XKR6: variants seen among roughly 807,000 people sequenced by gnomAD.
XKR6 encodes the protein XK related 6.
Under a neutral mutation model 56.7 loss-of-function variants are expected in XKR6, and 22 were observed. That is an observed-to-expected ratio of 0.39 (90% CI 0.28 to 0.55). The LOEUF (loss-of-function observed/expected upper bound fraction) is 0.55, where lower values mean the gene tolerates loss of function less well. Ranked by LOEUF, XKR6 falls within the 20% of genes least tolerant of loss-of-function variation. XKR6 has a pLI of 0.66. For missense variants in XKR6, 852 were observed against 889.0 expected (o/e 0.96, Z 0.53); for synonymous variants, 524 against 387.8 (o/e 1.35, Z -4.13).
rs1283547973 is a variant in XKR6 at position 10,923,380 on chromosome 8, G to C, written c.961+1254C>G. Among the ~76,000 whole-genome samples, 3 of 152,190 alleles carry C rather than the reference G, an allele frequency of 2.0e-5. No homozygotes were observed. The East Asian group carries it at 5.8e-4, about 29-fold the overall frequency. On this transcript the variant is annotated intron_variant, in intron 2 of 2. Transcript: ENST00000416569. ...GACAGCCTCCATTGAGGGCTGTTCT[G>C]GTTCAGTAGATGGGACATGAGGCTT...
At chr8:11,101,397 G>A (rs1196703603) in intron 1 of XKR6, among the ~76,000 whole-genome samples, 2 of 152,192 alleles carry the variant, frequency 1.3e-5, no homozygotes, top group Admixed American at 6.5e-5. Context: ...AATCTGAAAT[G>A]ACAATGAATG....
intron 1 of XKR6, among the ~76,000 whole-genome samples, chr8:11,197,319 A>C (rs1366195860): frequency 6.6e-6 from 1 of 152,232 alleles, no homozygotes; most frequent in Non-Finnish European, 1.5e-5. Flanking sequence ...ACTGAAGAGA[A>C]CTGACAATGC....
chr8:10,900,872 T>TTTTTTA (rs57246698), intron 2 of XKR6, among the ~76,000 whole-genome samples: 11 of 149,556 alleles, frequency 7.4e-5, no homozygotes, highest in South Asian at 2.1e-4. Context: ...TTTTTTTTTT[T>TTTTTTA]GAGACAGGGT....
chr8:11,131,975 T>A (rs1777627372), intron 1 of XKR6, among the ~76,000 whole-genome samples: 1 of 152,130 alleles, frequency 6.6e-6, no homozygotes, highest in South Asian at 2.1e-4. Context: ...AAGTGATACA[T>A]GACTGTGTAT....
chr8:10,959,848 G>A (rs1024662958), intron 1 of XKR6, among the ~76,000 whole-genome samples: 2 of 152,188 alleles, frequency 1.3e-5, no homozygotes, highest in Non-Finnish European at 2.9e-5. Context: ...AACCCTCTGG[G>A]AGGAGTCTGA....
chr8:11,004,263 G>A (rs574466611), intron 1 of XKR6, among the ~76,000 whole-genome samples: 1 of 152,244 alleles, frequency 6.6e-6, no homozygotes, highest in South Asian at 2.1e-4. Context: ...CATGAGGTCA[G>A]GAGTTCGAGA....
Position 10,898,135 on chromosome 8 carries a change from T to C in XKR6, c.1743A>G (p.Glu581=), listed in dbSNP as rs1168404172. Residue 581 remains glutamate (E), a synonymous_variant, in exon 3 of 3, where the codon GAA becomes GAG. Transcript: ENST00000416569. The surrounding 1 kb of genome is among the most constrained non-coding windows in gnomAD (Gnocchi z 6.6). ...GCATGTCAATCTTAATGAGGGGCCC[T>C]TCTGGGAGGTAAGGACGCCCCAACG... ...PTPLGRPYLP[E]GPLIKIDMPR... is the part of the protein sequence containing the mutation. The C allele has an allele frequency of 6.2e-7, 1 of 1,614,082 alleles. No individual in the cohort carries two copies. The highest frequency in any genetic ancestry group is 1.1e-5 in the South Asian group (1 of 91,084).
At chr8:11,140,667 G>A (rs1285309588) in intron 1 of XKR6, among the ~76,000 whole-genome samples, 4 of 152,204 alleles carry the variant, frequency 2.6e-5, no homozygotes, top group East Asian at 3.9e-4. Context: ...GGAGGCTGAG[G>A]TGGGTGGGTC....
intron 1 of XKR6, chr8:11,066,976 G>A (rs1799996877): frequency 6.6e-6 from 1 of 152,378 alleles, no homozygotes; most frequent in African/African-American, 2.4e-5. Flanking sequence ...TGCGAGATGG[G>A]TCTGCAGAGG....
intron 1 of XKR6, among the ~76,000 whole-genome samples, chr8:10,931,655 T>C (rs1461573839): frequency 6.6e-6 from 1 of 152,098 alleles, no homozygotes; most frequent in Admixed American, 6.5e-5. Flanking sequence ...ATGTTGATAG[T>C]CTTTTCAACA....
At chr8:11,043,587 A>C (rs1278797464) in intron 1 of XKR6, among the ~76,000 whole-genome samples, 1 of 152,252 alleles carries the variant, frequency 6.6e-6, no homozygotes, top group East Asian at 1.9e-4. Context: ...TCCCCTGGGC[A>C]GAGTCAGTCC....
In XKR6 at chr8:11,048,349, G is replaced by C. The variant is rs565786916; in HGVS notation, c.765-123519C>G. Among the ~76,000 whole-genome samples, 26 of 152,256 alleles carry C rather than the reference G, an allele frequency of 1.7e-4. No homozygotes were observed. In the South Asian group the frequency reaches 5.0e-3, roughly 29 times the overall value. On this transcript the variant is annotated intron_variant, in intron 1 of 2. Transcript: ENST00000416569. Reference sequence around the variant, plus strand: ...GAAGGAAGTTCAGGTCTTCTCGCCAGGGGGAGGGAAACTACTGCTTTCTGG... The same window carrying C: ...GAAGGAAGTTCAGGTCTTCTCGCCACGGGGAGGGAAACTACTGCTTTCTGG...
chr8:10,943,074 G>A (rs1297157452), intron 1 of XKR6, among the ~76,000 whole-genome samples: 1 of 152,202 alleles, frequency 6.6e-6, no homozygotes. Flanking sequence ...CCCATCTGGG[G>A]CTCTTCTACC....
intron 1 of XKR6, among the ~76,000 whole-genome samples, chr8:11,182,336 T>C (rs1488573118): frequency 6.6e-6 from 1 of 152,218 alleles, no homozygotes; most frequent in East Asian, 1.9e-4. Flanking sequence ...TCAGCCTTAA[T>C]GAGACTGGGG....
Position 11,200,984 on chromosome 8 carries a change from G to A in XKR6, c.356C>T (p.Pro119Leu), listed in dbSNP as rs745684264. 5 of 1,485,022 alleles carry A rather than the reference G, an allele frequency of 3.4e-6. No homozygotes were observed. Among genetic ancestry groups the A allele is most frequent in the Non-Finnish European group, 4.5e-6 (5 of 1,118,304 alleles). The allele number at this position is 1,485,022 out of a possible 1,614,324, so 92.0% of individuals were successfully genotyped here. A position where few individuals can be genotyped will look rare whatever the true frequency, so the allele number is the denominator to read the frequency against. Residue 119 changes from proline to leucine, a missense_variant, in exon 1 of 3, where the codon CCG becomes CTG. Pro to Leu is a moderately conservative substitution (Grantham distance 98). Coordinates refer to ENST00000416569, the MANE Select transcript of XKR6 (RefSeq NM_173683.4). This position sits in a 1 kb window ranked among gnomAD's most constrained non-coding sequence, Gnocchi z 6.4. Reference sequence around the variant, plus strand: ...GAGCCACGGCCGCTCCACCTGCGGCGGCGGCGGCTCCGGCCGCGCGGCCGA... The same window carrying A: ...GAGCCACGGCCGCTCCACCTGCGGCAGCGGCGGCTCCGGCCGCGCGGCCGA... ...TPSAARPEPP[P>L]PQVERPWLDC...
At chr8:10,907,863 G>A (rs1350887793) in intron 2 of XKR6, among the ~76,000 whole-genome samples, 1 of 152,224 alleles carries the variant, frequency 6.6e-6, no homozygotes, top group African/African-American at 2.4e-5. Context: ...CCACTGCAAA[G>A]CTGATGACAC....
At chr8:11,176,547 G>C (rs1392941403) in intron 1 of XKR6, among the ~76,000 whole-genome samples, 1 of 152,058 alleles carries the variant, frequency 6.6e-6, no homozygotes, top group African/African-American at 2.4e-5. Flanking sequence ...TGTCAAGCCA[G>C]ATTTTACATC....
In XKR6 at chr8:10,897,555, T is replaced by C. The variant is rs1459134761; in HGVS notation, c.*397A>G. 6.6e-6 allele frequency: 1 copy of C among 150,702 alleles called. No individual in the cohort carries two copies. The highest frequency in any genetic ancestry group is 1.4e-5 in the Non-Finnish European group (1 of 69,290). The allele number at this position is 150,702 out of a possible 1,614,324, so 9.3% of individuals were successfully genotyped here. ...GTTTTGTTCTTTCAATCAGCACCAA[T>C]CCCATAAATGATCTACACTTGGTGT... On this transcript the variant is annotated 3_prime_UTR_variant, in exon 3 of 3. Transcript: ENST00000416569.
Position 10,972,887 on chromosome 8 carries a change from T to C in XKR6, c.765-48057A>G, listed in dbSNP as rs138180811. Among the ~76,000 whole-genome samples, 115 of 152,352 alleles carry C rather than the reference T, an allele frequency of 7.5e-4. 1 individual carries two copies. Among genetic ancestry groups the C allele is most frequent in the African/African-American group, 2.6e-3 (108 of 41,578 alleles). ...ATTTTATACTGTGTATATTTTACGA[T>C]AATGAAAACATTTTTTTAAAGAGCT... On this transcript the variant is annotated intron_variant, in intron 1 of 2. Coordinates refer to ENST00000416569, the MANE Select transcript of XKR6 (RefSeq NM_173683.4).
Sources: gnomAD v4.1 joint callset for allele counts (sites outside exome capture counted in the v4.1 genomes callset) on GRCh38, gnomAD v4.1.1 for gene constraint, Gnocchi (gnomAD v3.1) non-coding constraint, MANE v1.5 for transcripts, NCBI Gene and HGNC (gene_info 2026-07-23, HGNC 2026-07-21) for gene names.